Variants in ADGRB3 observed in about 807,000 individuals in gnomAD.
ADGRB3 encodes the protein adhesion G protein-coupled receptor B3.
In ADGRB3, 37 loss-of-function variants were observed where a neutral mutation model predicts 193.4. The observed-to-expected ratio is 0.19, with a 90% confidence interval of 0.15 to 0.25. ADGRB3 has a LOEUF of 0.25. Among genes scored for constraint, ADGRB3 ranks in the 10% least tolerant of loss-of-function variants. The pLI is 1.00. For synonymous variants in ADGRB3, 690 were observed against 644.2 expected (o/e 1.07, Z -1.08); for missense variants, 1,637 against 1,852.9 (o/e 0.88, Z 2.14).
intron 17 of ADGRB3, among the ~76,000 whole-genome samples, chr6:69,167,827 A>G (rs553532481): frequency 6.6e-6 from 1 of 152,230 alleles, no homozygotes; most frequent in African/African-American, 2.4e-5. Flanking sequence ...AACATCACAG[A>G]GCCCTTAGTT....
intron 3 of ADGRB3, among the ~76,000 whole-genome samples, chr6:68,652,357 T>C (rs1327276523): frequency 1.3e-5 from 2 of 152,160 alleles, no homozygotes; most frequent in East Asian, 3.9e-4. Context: ...ACTTGTGAAA[T>C]AACAGATCTG....
chr6:68,814,633 T>C (rs540643613), intron 3 of ADGRB3, among the ~76,000 whole-genome samples: 40 of 152,244 alleles, frequency 2.6e-4, no homozygotes, highest in African/African-American at 9.1e-4. Flanking sequence ...CATGCCTATG[T>C]CCTGAGGCCA....
chr6:69,114,407 A>T (rs1773463024), intron 17 of ADGRB3, among the ~76,000 whole-genome samples: 4 of 152,240 alleles, frequency 2.6e-5, no homozygotes, highest in Admixed American at 2.6e-4. Flanking sequence ...TCTGGATGTT[A>T]GTCCTTTGTC....
chr6:69,157,828 G>A (rs963696205), intron 17 of ADGRB3, among the ~76,000 whole-genome samples: 3 of 152,058 alleles, frequency 2.0e-5, no homozygotes, highest in African/African-American at 7.2e-5. Flanking sequence ...AAGTCTAAAT[G>A]TATTATAGAG....
chr6:68,954,720 C>T (rs1307305947), intron 6 of ADGRB3, among the ~76,000 whole-genome samples: 3 of 151,172 alleles, frequency 2.0e-5, no homozygotes, highest in Non-Finnish European at 2.9e-5. Flanking sequence ...TGCTCTGTCC[C>T]CCAGGCTGGA....
chr6:69,274,617 CCCTCCCTT>C (rs1478558321), intron 20 of ADGRB3, among the ~76,000 whole-genome samples: 5 of 109,420 alleles, frequency 4.6e-5, no homozygotes, highest in Admixed American at 1.0e-4. Flanking sequence ...CTCCCTCCCT[CCCTCCCTT>C]CCTTCCTTCT....
intron 17 of ADGRB3, among the ~76,000 whole-genome samples, chr6:69,116,504 T>A (rs986865899): frequency 1.4e-4 from 21 of 152,184 alleles, no homozygotes; most frequent in Non-Finnish European, 2.5e-4. Context: ...ACAGCTGGGA[T>A]TTAAAGTTGT....
chr6:69,249,742 T>A lies in ADGRB3; in HGVS notation c.2814+10516T>A, dbSNP rs58798495. Among the ~76,000 whole-genome samples, 449 of 152,220 alleles carry A rather than the reference T, an allele frequency of 2.9e-3. 1 individual carries two copies. Among genetic ancestry groups the A allele is most frequent in the African/African-American group, 0.01 (422 of 41,518 alleles). On this transcript the variant is annotated intron_variant, in intron 20 of 31. Transcript: ENST00000370598. Reference sequence around the variant, plus strand: ...GCTATGGCAAATCTTGGAACTAAAGTCCAAACACTAATGCCTATAATAAAA... The same window carrying A: ...GCTATGGCAAATCTTGGAACTAAAGACCAAACACTAATGCCTATAATAAAA...
chr6:69,130,022 A>T (rs1773961643), intron 17 of ADGRB3, among the ~76,000 whole-genome samples: 1 of 152,122 alleles, frequency 6.6e-6, no homozygotes, highest in Non-Finnish European at 1.5e-5. Context: ...GCTATAACAA[A>T]ATATTATAAA....
intron 3 of ADGRB3, among the ~76,000 whole-genome samples, chr6:68,817,935 G>A (rs1767668333): frequency 6.6e-6 from 1 of 152,004 alleles, no homozygotes; most frequent in African/African-American, 2.4e-5. Flanking sequence ...GTTGTGATTT[G>A]CATCATTTTA....
intron 3 of ADGRB3, among the ~76,000 whole-genome samples, chr6:68,865,779 C>T (rs1396858083): frequency 6.6e-6 from 1 of 152,172 alleles, no homozygotes; most frequent in African/African-American, 2.4e-5. Flanking sequence ...TTCCTGCTGT[C>T]TCTCTGCAAT....
chr6:69,387,029 G>C (rs1257284030), intron 31 of ADGRB3, among the ~76,000 whole-genome samples: 1 of 152,008 alleles, frequency 6.6e-6, no homozygotes, highest in East Asian at 1.9e-4. Flanking sequence ...AACCCCATAA[G>C]GTAGGCATTG....
intron 3 of ADGRB3, among the ~76,000 whole-genome samples, chr6:68,720,507 G>C (rs2127323905): frequency 1.3e-5 from 2 of 151,814 alleles, no homozygotes; most frequent in Middle Eastern, 3.4e-3. Flanking sequence ...CTCTGGAAGG[G>C]AAGTATGACT....
At chr6:68,724,835 A>G (rs989842327) in intron 3 of ADGRB3, among the ~76,000 whole-genome samples, 2 of 151,724 alleles carry the variant, frequency 1.3e-5, no homozygotes, top group African/African-American at 4.8e-5. Flanking sequence ...CTGGGAATAT[A>G]AATGAGAGCA....
intron 19 of ADGRB3, 102 bp downstream of exon 19, chr6:69,235,237 T>C: frequency 1.1e-6 from 1 of 911,642 alleles, no homozygotes; most frequent in Non-Finnish European, 1.7e-6. Context: ...CTTAATTTAC[T>C]GAAAGCAGTA....
At chr6:69,017,076 C>T (rs1487373570) in intron 12 of ADGRB3, among the ~76,000 whole-genome samples, 1 of 151,780 alleles carries the variant, frequency 6.6e-6, no homozygotes, top group African/African-American at 2.4e-5. Context: ...GGTTTTATCT[C>T]CCAAATCTTT....
chr6:69,291,472 G>A (rs1374351616), intron 20 of ADGRB3, among the ~76,000 whole-genome samples: 1 of 152,090 alleles, frequency 6.6e-6, no homozygotes, highest in Non-Finnish European at 1.5e-5. Context: ...GGTAGAATCT[G>A]TAGTTTTCCC....
intron 3 of ADGRB3, among the ~76,000 whole-genome samples, chr6:68,865,255 G>C (rs904018045): frequency 2.0e-5 from 3 of 151,350 alleles, no homozygotes; most frequent in Non-Finnish European, 4.4e-5. Flanking sequence ...TTTTTTTTCT[G>C]TGATTTTGAT....
Position 69,074,082 on chromosome 6 carries a change from A to G in ADGRB3, c.2437-1913A>G, listed in dbSNP as rs1176632644. 3.3e-5 allele frequency among the ~76,000 whole-genome samples: 5 copies of G among 152,292 alleles called. No homozygotes were observed. The East Asian group carries it at 7.7e-4, about 24-fold the overall frequency. ...TAAATTTCCATCCAGAAGCAAGAAA[A>G]AGATCATTTTTTACTAAATAAATTT... On this transcript the variant is annotated intron_variant, in intron 16 of 31. Transcript: ENST00000370598.
Sources: gnomAD v4.1 joint callset for allele counts (sites outside exome capture counted in the v4.1 genomes callset) on GRCh38, gnomAD v4.1.1 for gene constraint, MANE v1.5 for transcripts, NCBI Gene and HGNC (gene_info 2026-07-23, HGNC 2026-07-21) for gene names.